Variants in ERAP1 observed in about 807,000 individuals in gnomAD.
The protein encoded by ERAP1 is adipocyte-derived leucine aminopeptidase.
In ERAP1, 86 loss-of-function variants were observed where a neutral mutation model predicts 103.7. The observed-to-expected ratio is 0.83, with a 90% CI of 0.70 to 0.99. The LOEUF (loss-of-function observed/expected upper bound fraction) is 0.99, where lower values mean the gene tolerates loss of function less well. ERAP1 is among the 50% of genes least tolerant of loss of function. ERAP1 has a pLI of 0.00. For synonymous variants in ERAP1, 398 were observed against 402.4 expected (o/e 0.99, Z 0.13); for missense variants, 1,009 against 1,128.4 (o/e 0.89, Z 1.52).
At chr5:96,909,227 G>A in the ERAP1 span, 28 of 1,028,598 alleles carry the variant, frequency 2.7e-5, no homozygotes, top group East Asian at 3.0e-4. Flanking sequence ...GGAGCAGCTC[G>A]GGGGACTGAC....
chr5:96,913,573 T>C, the ERAP1 span: 6 of 1,246,760 alleles, frequency 4.8e-6, no homozygotes, highest in Admixed American at 2.1e-5. Context: ...TGTATCCAAA[T>C]AGTTCAGTGG....
chr5:96,783,728 T>C (rs1561672902), intron 14 of ERAP1, among the ~76,000 whole-genome samples, 196 bp downstream of exon 14: 1 of 84,186 alleles, frequency 1.2e-5, no homozygotes, highest in Non-Finnish European at 2.3e-5. Context: ...GCCATTCCTA[T>C]TTTTAGTGCC....
chr5:96,788,432 T>C, intron 11 of ERAP1, 99 bp downstream of exon 11: 1 of 1,397,546 alleles, frequency 7.2e-7, no homozygotes, highest in Admixed American at 1.7e-5. Flanking sequence ...TGAAATATTT[T>C]AGCAATAGTG....
At chr5:96,796,801 TTTG>T (rs1777390220) in intron 4 of ERAP1, among the ~76,000 whole-genome samples, 1 of 152,110 alleles carries the variant, frequency 6.6e-6, no homozygotes, top group Non-Finnish European at 1.5e-5. Flanking sequence ...TGGTTTTGTC[TTTG>T]TTTGTTTGTT....
Position 96,793,941 on chromosome 5 carries a change from G to A in ERAP1, c.936C>T (p.Pro312=), listed in dbSNP as rs781338921. 15 of 1,613,800 alleles carry A rather than the reference G, an allele frequency of 9.3e-6. No individual in the cohort carries two copies. The highest frequency in any genetic ancestry group is 4.5e-5 in the East Asian group (2 of 44,894). The change falls in exon 6 of 19, where the codon CCC becomes CCT. Residue 312 remains proline (P), a synonymous_variant. Coordinates refer to ENST00000443439, the MANE Select transcript of ERAP1 (RefSeq NM_001040458.3). ...TTTCCATAGCACCAGACTGAAAGTCGGGAATAGCAGCAAGATCTTGGGAAG... is the reference window on the plus strand; with the variant it reads ...TTTCCATAGCACCAGACTGAAAGTCAGGAATAGCAGCAAGATCTTGGGAAG... ...PLPKQDLAAI[P]DFQSGAMENW... is the part of the protein sequence containing the mutation.
the ERAP1 span, among the ~76,000 whole-genome samples, chr5:96,814,671 G>A: frequency 6.6e-6 from 1 of 152,174 alleles, no homozygotes; most frequent in Non-Finnish European, 1.5e-5. Context: ...CATCAGAAGT[G>A]ATGCCAAATT....
chr5:96,927,382 G>C, the ERAP1 span, among the ~76,000 whole-genome samples: 1 of 152,144 alleles, frequency 6.6e-6, no homozygotes, highest in South Asian at 2.1e-4. Context: ...TTTTGGATTT[G>C]ATTTGCTTTT....
the ERAP1 span, chr5:96,917,805 C>T: frequency 9.7e-5 from 27 of 279,028 alleles, no homozygotes; most frequent in East Asian, 2.0e-3. Flanking sequence ...ACTCGGCAGG[C>T]TGCAGCAGGA....
the ERAP1 span, among the ~76,000 whole-genome samples, chr5:96,897,634 T>C: frequency 6.6e-6 from 1 of 152,190 alleles, no homozygotes; most frequent in Non-Finnish European, 1.5e-5. Flanking sequence ...TTATGGTCTG[T>C]CTTTGGGATT....
At chr5:96,873,812 T>TA in the ERAP1 span, 5 of 192,334 alleles carry the variant, frequency 2.6e-5, no homozygotes, top group Admixed American at 1.1e-4. Flanking sequence ...GCAGAGTTGC[T>TA]ACTGCAAAAA....
chr5:96,796,100 G>A (rs1777317745), intron 4 of ERAP1, among the ~76,000 whole-genome samples: 1 of 152,120 alleles, frequency 6.6e-6, no homozygotes, highest in South Asian at 2.1e-4. Context: ...CGAGTCTCAA[G>A]CGTCACCTTC....
chr5:96,776,430 A>G lies in ERAP1; in HGVS notation c.2792T>C (p.Val931Ala). Reference sequence around the variant, plus strand: ...TTCAAGCTTTTCACTTTGCAGCCACACTCTGATTTTATCAAAATTCTTATC... The same window carrying G: ...TTCAAGCTTTTCACTTTGCAGCCACGCTCTGATTTTATCAAAATTCTTATC... ...WMDKNFDKIR[V>A]WLQSEKLERM Residue 931 changes from valine (V) to alanine (A), a missense_variant, in exon 19 of 19, where the codon GTG (valine) becomes GCG (alanine). Transcript: ENST00000443439. 2 of 1,613,630 alleles carry G rather than the reference A, an allele frequency of 1.2e-6. No individual in the cohort carries two copies. The highest frequency in any genetic ancestry group is 1.7e-6 in the Non-Finnish European group (2 of 1,179,878).
chr5:96,934,025 A>C, the ERAP1 span: 1 of 152,374 alleles, frequency 6.6e-6, no homozygotes, highest in South Asian at 2.1e-4. Context: ...TTCAGTATGG[A>C]GTCATTAACT....
chr5:96,899,750 C>G, the ERAP1 span, among the ~76,000 whole-genome samples: 3 of 152,242 alleles, frequency 2.0e-5, no homozygotes, highest in African/African-American at 7.2e-5. Context: ...GACAGAGTTG[C>G]CTACATGCTA....
At chr5:96,927,905 T>C in the ERAP1 span, among the ~76,000 whole-genome samples, 2 of 151,878 alleles carry the variant, frequency 1.3e-5, no homozygotes, top group South Asian at 2.1e-4. Flanking sequence ...TTTTCATTTC[T>C]TTCTTTCTTT....
intron 5 of ERAP1, among the ~76,000 whole-genome samples, 187 bp from the exon 6 acceptor site, chr5:96,794,144 T>G (rs188384071): frequency 3.5e-5 from 5 of 142,514 alleles, no homozygotes. Context: ...GCTATAAATG[T>G]GGCAAAGTCA....
At position 96,800,870 on chromosome 5, in the gene ERAP1, T is replaced by C; in HGVS notation, c.655A>G (p.Met219Val). The C allele has an allele frequency of 6.2e-7, 1 of 1,614,090 alleles. No individual in the cohort carries two copies. The highest frequency in any genetic ancestry group is 8.5e-7 in the Non-Finnish European group (1 of 1,179,962). ...REPRHLAISN[M>V]PLVKSVTVAE... ...CAGGAGTGCAGACTCACCAATGGCA[T>C]ATTGGAGATGGCTAGGTGCCTTGGC... Residue 219 changes from methionine (M) to valine (V), a missense_variant, in exon 3 of 19, where the codon ATG (methionine) becomes GTG (valine). By Grantham distance (21) the Met-to-Val change is conservative. This residue lies in a region of ERAP1 where 392 missense variants were observed against 455.2 expected (regional missense o/e 0.86). Transcript: ENST00000443439.
the ERAP1 span, among the ~76,000 whole-genome samples, chr5:96,912,089 C>A: frequency 6.7e-6 from 1 of 149,032 alleles, no homozygotes; most frequent in East Asian, 2.0e-4. Context: ...ACTCGGGAGG[C>A]TGAGGCAGGA....
intron 8 of ERAP1, 119 bp downstream of exon 8, chr5:96,791,942 T>C (rs1776773792): frequency 9.5e-7 from 1 of 1,053,858 alleles, no homozygotes; most frequent in Non-Finnish European, 1.5e-6. Flanking sequence ...AGCCAGCACG[T>C]GTCAAGAGAG....
Sources: allele counts gnomAD v4.1 joint callset (sites outside exome capture counted in the v4.1 genomes callset), GRCh38; gene constraint gnomAD v4.1.1; regional missense constraint gnomAD v4.1.1; transcripts MANE v1.5; gene names NCBI Gene and HGNC (gene_info 2026-07-23, HGNC 2026-07-21).